PIP4P2: variants seen among roughly 807,000 people sequenced by gnomAD.
The protein encoded by PIP4P2 is phosphatidylinositol-4,5-bisphosphate 4-phosphatase 2.
PIP4P2 carries 19 observed loss-of-function variants against 33.3 expected under a neutral mutation model. That is an observed-to-expected ratio of 0.57 (90% CI 0.40 to 0.84). The LOEUF is 0.84. Among genes scored for constraint, PIP4P2 ranks in the 40% least tolerant of loss-of-function variants. The probability of loss-of-function intolerance (pLI) is 0.00; values close to 1 mark genes in which losing one functional copy is unlikely to be tolerated. For synonymous variants in PIP4P2, 110 were observed against 111.9 expected, an observed-to-expected ratio of 0.98 and a Z score of 0.11; for missense variants, 270 against 324.7, an observed-to-expected ratio of 0.83 and a Z score of 1.29.
At chr8:91,012,780 C>G (rs1397760322) in intron 4 of PIP4P2, among the ~76,000 whole-genome samples, 2 of 152,144 alleles carry the variant, frequency 1.3e-5, no homozygotes, top group Admixed American at 1.3e-4. Context: ...AAGTAAGTCT[C>G]TGGCTTGCAC....
At position 91,040,532 on chromosome 8, in the gene PIP4P2, A is replaced by C. The variant is rs187753642; in HGVS notation, c.106+112T>G. 6.0e-4 allele frequency: 748 copies of C among 1,254,412 alleles called. 2 individuals carry two copies. The African/African-American group carries it at 0.01, about 17-fold the overall frequency. The allele number at this position is 1,254,412 out of a possible 1,614,324, so 77.7% of individuals were successfully genotyped here. A position where few individuals can be genotyped will look rare whatever the true frequency, so the allele number is the denominator to read the frequency against. On this transcript the variant is annotated intron_variant, in intron 1 of 6. Transcript: ENST00000285419. ...ACAGTCAGCATCCTTCCTCAGCCCA[A>C]GCGAGAGGCTCACCTCCACCTCCAA... is the stretch of plus-strand genomic sequence containing the variant.
intron 1 of PIP4P2, among the ~76,000 whole-genome samples, chr8:91,039,478 A>T (rs1336149254): frequency 1.3e-5 from 2 of 152,234 alleles, no homozygotes; most frequent in African/African-American, 4.8e-5. Flanking sequence ...TGTTAAATAG[A>T]AATTTTAAAT....
intron 4 of PIP4P2, among the ~76,000 whole-genome samples, chr8:91,014,605 G>A (rs1811887103): frequency 6.6e-6 from 1 of 152,028 alleles, no homozygotes; most frequent in Non-Finnish European, 1.5e-5. Context: ...GTGAGGAAAG[G>A]GGAGATTTTA....
At chr8:91,003,478 T>G (rs747588814) in intron 5 of PIP4P2, among the ~76,000 whole-genome samples, 12 of 152,182 alleles carry the variant, frequency 7.9e-5, no homozygotes, top group African/African-American at 1.4e-4. Flanking sequence ...AGGATAACAT[T>G]CATTAAAATA....
chr8:91,014,540 T>A (rs191406627), intron 4 of PIP4P2, among the ~76,000 whole-genome samples: 24 of 151,976 alleles, frequency 1.6e-4, no homozygotes, highest in African/African-American at 5.3e-4. Flanking sequence ...GAATGTAAAA[T>A]AGTTTAATTC....
chr8:90,999,182 T>A (rs1248152225), intron 5 of PIP4P2, among the ~76,000 whole-genome samples: 1 of 152,010 alleles, frequency 6.6e-6, no homozygotes, highest in Non-Finnish European at 1.5e-5. Flanking sequence ...TCACTGATCA[T>A]TAGAGAAATG....
At chr8:91,015,647 CA>C (rs965254161) in intron 4 of PIP4P2, among the ~76,000 whole-genome samples, 1 of 152,108 alleles carries the variant, frequency 6.6e-6, no homozygotes, top group African/African-American at 2.4e-5. Context: ...ATACTTTCTG[CA>C]GAAAGGGTAC....
At position 91,016,816 on chromosome 8, in the gene PIP4P2, G is replaced by T. The variant is rs548930320; in HGVS notation, c.486+1574C>A. 6.5e-4 allele frequency: 99 copies of T among 152,292 alleles called. 1 individual carries two copies. Among genetic ancestry groups the T allele is most frequent in the African/African-American group, 2.3e-3 (96 of 41,568 alleles). 9.4% of individuals were successfully genotyped at this position (152,292 alleles called of 1,614,324 possible). A position where few individuals can be genotyped will look rare whatever the true frequency, so the allele number is the denominator to read the frequency against. ...AGGAAGCCTAAATAAGAGATTCCTT[G>T]ATGCAATTAATTATAGTAATAGGTA... is the stretch of plus-strand genomic sequence containing the variant. On this transcript the variant is annotated intron_variant, in intron 4 of 6. Coordinates refer to ENST00000285419, the MANE Select transcript of PIP4P2 (RefSeq NM_018710.3).
Position 91,020,248 on chromosome 8 carries a change from G to T in PIP4P2, c.271C>A (p.Pro91Thr), listed in dbSNP as rs1308099355. ...CATCTAACATATTTCTTGCCTGTTGGGGGGTTTTTGATTGGCTGGATAAGG... is the reference window on the plus strand; with the variant it reads ...CATCTAACATATTTCTTGCCTGTTGTGGGGTTTTTGATTGGCTGGATAAGG... ...CNEATPIKNPPTGKKYVRCPC... is the reference protein window; with the variant it reads ...CNEATPIKNPTTGKKYVRCPC... The change falls in exon 3 of 7, where the codon CCA (proline) becomes ACA (threonine). Residue 91 changes from proline to threonine, a missense_variant. By Grantham distance (38) the Pro-to-Thr change is conservative (BLOSUM62 -1). Transcript: ENST00000285419. 5.0e-6 allele frequency: 8 copies of T among 1,613,540 alleles called. No individual in the cohort carries two copies. Among genetic ancestry groups the T allele is most frequent in the Non-Finnish European group, 6.8e-6 (8 of 1,179,754 alleles).
chr8:91,034,803 C>T (rs1338812600), intron 1 of PIP4P2, among the ~76,000 whole-genome samples: 3 of 152,178 alleles, frequency 2.0e-5, no homozygotes, highest in Non-Finnish European at 4.4e-5. Context: ...CCTGCCAATC[C>T]ACAGACAACC....
intron 5 of PIP4P2, among the ~76,000 whole-genome samples, chr8:91,003,398 A>G (rs1323188858): frequency 6.6e-6 from 1 of 152,240 alleles, no homozygotes; most frequent in Admixed American, 6.5e-5. Context: ...AATTGATAGG[A>G]TATTACCATT....
At chr8:91,022,876 G>A (rs371488763) in intron 1 of PIP4P2, among the ~76,000 whole-genome samples, 5 of 152,252 alleles carry the variant, frequency 3.3e-5, no homozygotes, top group South Asian at 4.1e-4. Flanking sequence ...ACTTTGAAAT[G>A]ACGATATGCT....
chr8:91,030,871 T>G (rs555957824), intron 1 of PIP4P2, among the ~76,000 whole-genome samples: 1 of 152,354 alleles, frequency 6.6e-6, no homozygotes, highest in South Asian at 2.1e-4. Flanking sequence ...AGCATCATGT[T>G]GTTTCATTCT....
intron 4 of PIP4P2, among the ~76,000 whole-genome samples, chr8:91,011,726 A>G (rs935807384): frequency 1.3e-5 from 2 of 152,022 alleles, no homozygotes; most frequent in African/African-American, 2.4e-5. Context: ...GCTTTTCTAC[A>G]TTTATCCATG....
chr8:91,039,239 C>G (rs993545458), intron 1 of PIP4P2, among the ~76,000 whole-genome samples: 1 of 152,132 alleles, frequency 6.6e-6, no homozygotes, highest in Admixed American at 6.5e-5. Flanking sequence ...ATATTCATAT[C>G]AAATTGGCCC....
At chr8:91,020,386 A>G in intron 2 of PIP4P2, 123 bp from the exon 3 acceptor site, 1 of 864,824 alleles carries the variant, frequency 1.2e-6, no homozygotes, top group Non-Finnish European at 1.8e-6. Flanking sequence ...TTTGTAACTT[A>G]AGGTTTTATT....
intron 1 of PIP4P2, among the ~76,000 whole-genome samples, chr8:91,036,581 T>A (rs904621052): frequency 6.6e-6 from 1 of 152,206 alleles, no homozygotes; most frequent in Non-Finnish European, 1.5e-5. Context: ...GAGTCCAAGC[T>A]ACTGAAATAG....
chr8:91,039,743 C>A (rs1244770506), intron 1 of PIP4P2, among the ~76,000 whole-genome samples: 1 of 152,030 alleles, frequency 6.6e-6, no homozygotes, highest in Non-Finnish European at 1.5e-5. Flanking sequence ...TTTCTTGTAA[C>A]GCCTGACTCC....
intron 2 of PIP4P2, 64 bp from the exon 3 acceptor site, chr8:91,020,327 T>C (rs1229272005): frequency 4.0e-6 from 6 of 1,486,346 alleles, no homozygotes; most frequent in Non-Finnish European, 5.6e-6. Flanking sequence ...AAAGTTTGTT[T>C]GTGTTTAAAA....
Sources: gnomAD v4.1 joint callset for allele counts (sites outside exome capture counted in the v4.1 genomes callset) on GRCh38, gnomAD v4.1.1 for gene constraint, MANE v1.5 for transcripts, NCBI Gene and HGNC (gene_info 2026-07-23, HGNC 2026-07-21) for gene names.